KAZN: variants seen among roughly 807,000 people sequenced by gnomAD.
The protein encoded by KAZN is kazrin.
KAZN carries 40 observed loss-of-function variants against 87.4 expected under a neutral mutation model. The ratio of observed to expected loss-of-function variants is 0.46; its 90% CI spans 0.36 to 0.60. KAZN has a LOEUF of 0.60. Among genes scored for constraint, KAZN ranks in the 20% least tolerant of loss-of-function variants. The pLI, the probability that KAZN is intolerant of heterozygous loss-of-function variation, is 0.00. For synonymous variants in KAZN, 466 were observed against 458.3 expected, an observed-to-expected ratio of 1.02 and a Z score of -0.22; for missense variants, 898 against 1,073.9, an observed-to-expected ratio of 0.84 and a Z score of 2.29.
At chr1:14,972,748 CAA>C (rs1205975201) in intron 2 of KAZN, among the ~76,000 whole-genome samples, 138 of 152,188 alleles carry the variant, frequency 9.1e-4, no homozygotes, top group African/African-American at 3.1e-3. Flanking sequence ...CTCCTGACCT[CAA>C]GTGATTCGCC....
chr1:14,218,476 GA>G (rs1188366645), intron 2 of KAZN, among the ~76,000 whole-genome samples: 2 of 152,140 alleles, frequency 1.3e-5, no homozygotes, highest in Non-Finnish European at 2.9e-5. Context: ...TGTACAAGAT[GA>G]GCCTAGGAGA....
chr1:14,591,214 G>C (rs756923316), intron 2 of KAZN, among the ~76,000 whole-genome samples: 2 of 152,094 alleles, frequency 1.3e-5, no homozygotes, highest in Non-Finnish European at 2.9e-5. Context: ...AGGGCAAGAG[G>C]TCAGTCAGGC....
At chr1:13,935,129 C>G (rs1024553608) in intron 1 of KAZN, among the ~76,000 whole-genome samples, 2 of 151,890 alleles carry the variant, frequency 1.3e-5, no homozygotes, top group African/African-American at 4.8e-5. Flanking sequence ...CCCAGCTACT[C>G]GGGAGGCTGA....
intron 1 of KAZN, among the ~76,000 whole-genome samples, chr1:14,886,463 C>CACAG (rs397979311): frequency 0.021 from 2,793 of 135,926 alleles, 99 homozygotes; most frequent in African/African-American, 0.069. Flanking sequence ...CACACACACA[C>CACAG]AGAGAGAGAC....
intron 1 of KAZN, among the ~76,000 whole-genome samples, chr1:14,621,604 A>G (rs1678701576): frequency 6.6e-6 from 1 of 152,172 alleles, no homozygotes; most frequent in Non-Finnish European, 1.5e-5. Context: ...CCCCACCCAA[A>G]TCTCACCTTG....
At chr1:15,040,326 C>T (rs1234420211) in intron 3 of KAZN, among the ~76,000 whole-genome samples, 5 of 152,358 alleles carry the variant, frequency 3.3e-5, no homozygotes, top group Admixed American at 3.3e-4. Context: ...CTTAGTCTGC[C>T]ATGGCCCACC....
chr1:14,428,153 A>G (rs1029897093), intron 2 of KAZN, among the ~76,000 whole-genome samples: 5 of 152,214 alleles, frequency 3.3e-5, no homozygotes, highest in African/African-American at 1.2e-4. Flanking sequence ...GAATAAATTC[A>G]TTTGGTGAGA....
chr1:14,948,312 T>C (rs1194256953), intron 1 of KAZN, among the ~76,000 whole-genome samples: 1 of 152,236 alleles, frequency 6.6e-6, no homozygotes, highest in African/African-American at 2.4e-5. Flanking sequence ...GGATATTATC[T>C]GAATCCTGTC....
chr1:14,790,118 T>C (rs1250791241), intron 1 of KAZN, among the ~76,000 whole-genome samples: 2 of 152,154 alleles, frequency 1.3e-5, no homozygotes, highest in African/African-American at 4.8e-5. Flanking sequence ...TTCTCCTGCC[T>C]CAGCCTCCCA....
At chr1:15,072,089 C>T (rs1252066852) in intron 8 of KAZN, among the ~76,000 whole-genome samples, 1 of 152,196 alleles carries the variant, frequency 6.6e-6, no homozygotes, top group Non-Finnish European at 1.5e-5. Flanking sequence ...TCTGGCCCCA[C>T]ATCTGATTCT....
intron 2 of KAZN, among the ~76,000 whole-genome samples, chr1:14,982,353 G>A (rs935664440): frequency 2.6e-5 from 4 of 152,056 alleles, no homozygotes; most frequent in African/African-American, 9.7e-5. Flanking sequence ...CATGGGACAG[G>A]GCATGGGACA....
At chr1:14,216,836 G>T (rs1036476902) in intron 2 of KAZN, among the ~76,000 whole-genome samples, 1 of 152,012 alleles carries the variant, frequency 6.6e-6, no homozygotes, top group South Asian at 2.1e-4. Context: ...CCCAGGAGGC[G>T]GAGGCTTCAG....
At chr1:14,150,866 A>G (rs1019058838) in intron 1 of KAZN, among the ~76,000 whole-genome samples, 1 of 152,192 alleles carries the variant, frequency 6.6e-6, no homozygotes, top group Non-Finnish European at 1.5e-5. Flanking sequence ...TTGAATAACT[A>G]ATGTATATTT....
At chr1:15,034,939 C>G in intron 3 of KAZN, 54 bp downstream of exon 3, 1 of 1,601,266 alleles carries the variant, frequency 6.2e-7, no homozygotes, top group South Asian at 1.1e-5. Context: ...CTCCCACCTC[C>G]CCTGCTGGCT....
chr1:14,500,927 C>G (rs1220745494), intron 2 of KAZN, among the ~76,000 whole-genome samples: 1 of 151,846 alleles, frequency 6.6e-6, no homozygotes, highest in African/African-American at 2.4e-5. Context: ...TGACTTATAA[C>G]AAGTAGAGAG....
chr1:14,779,578 G>A (rs1021476567), intron 1 of KAZN, among the ~76,000 whole-genome samples: 1 of 152,210 alleles, frequency 6.6e-6, no homozygotes, highest in African/African-American at 2.4e-5. Context: ...CAAATGAGAT[G>A]TAGGTCTACA....
rs1218934362 is a variant in KAZN, at chr1:14,788,777, CCACTTGTACACGTGGGAGGT to C, written c.227-171893_227-171874del. Among the ~76,000 whole-genome samples, 7 of 152,004 alleles carry C rather than the reference CCACTTGTACACGTGGGAGGT, an allele frequency of 4.6e-5. No homozygotes were observed. The East Asian group carries it at 5.8e-4, about 13-fold the overall frequency. ...AGATACTTGTACATGTGGGAGGTCA[CCACTTGTACACGTGGGAGGT>C]CACTTGTACACGTAGGAGGTCACCT... On this transcript the variant is annotated intron_variant, in intron 1 of 14. Coordinates refer to ENST00000376030, the MANE Select transcript of KAZN (RefSeq NM_201628.3).
intron 2 of KAZN, among the ~76,000 whole-genome samples, chr1:14,549,737 G>C (rs1673390913): frequency 6.7e-6 from 1 of 148,610 alleles, no homozygotes; most frequent in Non-Finnish European, 1.5e-5. Flanking sequence ...CTGGCTTTGG[G>C]CAGTGGCCTC....
chr1:14,519,247 G>T (rs1317601960), intron 2 of KAZN, among the ~76,000 whole-genome samples: 1 of 152,084 alleles, frequency 6.6e-6, no homozygotes, highest in African/African-American at 2.4e-5. Context: ...AGGAGAGGAG[G>T]GCCCAAGGCA....
Sources: gnomAD v4.1 joint callset for allele counts (sites outside exome capture counted in the v4.1 genomes callset) on GRCh38, gnomAD v4.1.1 for gene constraint, MANE v1.5 for transcripts, NCBI Gene and HGNC (gene_info 2026-07-23, HGNC 2026-07-21) for gene names.